TRAPPC10: variants seen among roughly 807,000 people sequenced by gnomAD.
The protein encoded by TRAPPC10 is TRAPP 130 kDa subunit.
In TRAPPC10, 23 loss-of-function variants were observed where a neutral mutation model predicts 125.5. The observed-to-expected ratio is 0.18, with a 90% CI of 0.13 to 0.26. The LOEUF is 0.26. TRAPPC10 is among the 10% of genes least tolerant of loss of function. The pLI is 1.00. For synonymous variants in TRAPPC10, 509 were observed against 518.0 expected, an observed-to-expected ratio of 0.98 and a Z score of 0.24; for missense variants, 1,123 against 1,308.4, an observed-to-expected ratio of 0.86 and a Z score of 2.19.
intron 12 of TRAPPC10, 92 bp from the exon 13 acceptor site, chr21:44,079,923 A>C: frequency 1.6e-6 from 2 of 1,230,788 alleles, no homozygotes; most frequent in Non-Finnish European, 2.3e-6. Flanking sequence ...TGGCTTTTGA[A>C]GCCTCTGTGA....
chr21:44,084,582 A>G lies in TRAPPC10; in HGVS notation c.2380+319A>G, dbSNP rs183657145. On this transcript the variant is annotated intron_variant, in intron 15 of 22. Transcript: ENST00000291574. ...ATTGGCTCACTCAACCTAATGGTCAATGCAGAGGACTTCTGGGCCCAAATG... is the reference window on the plus strand; with the variant it reads ...ATTGGCTCACTCAACCTAATGGTCAGTGCAGAGGACTTCTGGGCCCAAATG... Among the ~76,000 whole-genome samples, 5 of 152,338 alleles carry G rather than the reference A, an allele frequency of 3.3e-5. No individual in the cohort carries two copies. The East Asian group carries it at 9.6e-4, about 29-fold the overall frequency.
chr21:44,020,059 AT>A (rs528259982), intron 1 of TRAPPC10, among the ~76,000 whole-genome samples: 7,831 of 141,650 alleles, frequency 0.055, 315 homozygotes, highest in African/African-American at 0.12. Flanking sequence ...CCTGTTTGCA[AT>A]TTTTTTTTTT....
At chr21:44,035,303 C>G (rs985980779) in intron 2 of TRAPPC10, among the ~76,000 whole-genome samples, 1 of 152,156 alleles carries the variant, frequency 6.6e-6, no homozygotes, top group Non-Finnish European at 1.5e-5. Context: ...GATGCTGGCA[C>G]CTTGATCTTG....
chr21:44,089,634 C>T, intron 17 of TRAPPC10, 199 bp from the exon 18 acceptor site: 1 of 605,766 alleles, frequency 1.7e-6, no homozygotes, highest in South Asian at 1.5e-5. Flanking sequence ...TTTCTCTTGT[C>T]TGTATGCATA....
chr21:44,039,726 G>A (rs112991704), intron 3 of TRAPPC10, among the ~76,000 whole-genome samples: 4 of 152,306 alleles, frequency 2.6e-5, no homozygotes, highest in South Asian at 2.1e-4. Flanking sequence ...TTAGCTGGGC[G>A]TGGTGGCACA....
At position 44,079,698 on chromosome 21, in the gene TRAPPC10, T is replaced by A. The variant is rs2037541790; in HGVS notation, c.1604T>A (p.Ile535Asn). 6.2e-7 allele frequency: 1 copy of A among 1,603,514 alleles called. No individual in the cohort carries two copies. The highest frequency in any genetic ancestry group is 8.5e-7 in the Non-Finnish European group (1 of 1,177,516). Residue 535 changes from isoleucine to asparagine, a missense_variant, in exon 12 of 23, where the codon ATT becomes AAT. By Grantham distance (149) the Ile-to-Asn change is moderately radical (BLOSUM62 -3). Coordinates refer to ENST00000291574, the MANE Select transcript of TRAPPC10 (RefSeq NM_003274.5). The stretch of plus-strand genomic sequence containing the variant: ...GAATGTCAAAAGCACCTTGGACAAA[T>A]TGAAAAGTATCCTTTAATGTTTTCA... ...LAECQKHLGQ[I>N]ENYLQTSSLL...
intron 7 of TRAPPC10, among the ~76,000 whole-genome samples, chr21:44,072,916 G>C (rs2036988238): frequency 6.6e-6 from 1 of 152,206 alleles, no homozygotes; most frequent in Non-Finnish European, 1.5e-5. Context: ...GGGCCTGCAA[G>C]GTGCGGTCAG....
chr21:44,081,005 C>CTTTTATTTTT (rs2037672973), intron 13 of TRAPPC10, among the ~76,000 whole-genome samples: 1 of 103,870 alleles, frequency 9.6e-6, no homozygotes, highest in Non-Finnish European at 2.2e-5. Context: ...TATTATTGTT[C>CTTTTATTTTT]TTTTTTTTTT....
At chr21:44,013,530 C>CCA (rs2031429086) in intron 1 of TRAPPC10, among the ~76,000 whole-genome samples, 1 of 152,194 alleles carries the variant, frequency 6.6e-6, no homozygotes, top group African/African-American at 2.4e-5. Flanking sequence ...GGTGCCCAGG[C>CCA]CACAGTAGAC....
intron 19 of TRAPPC10, 141 bp downstream of exon 19, chr21:44,092,190 G>GGAGGA: frequency 9.3e-7 from 1 of 1,074,504 alleles, no homozygotes; most frequent in Non-Finnish European, 1.3e-6. Flanking sequence ...CAGCTCCTCC[G>GGAGGA]GCTGCCCTGA....
At chr21:44,093,953 CCATGGTGTCTGCTCAGCACCCTTCG>C (rs1283040226) in intron 19 of TRAPPC10, 85 bp from the exon 20 acceptor site, 8 of 1,169,340 alleles carry the variant, frequency 6.8e-6, no homozygotes, top group Non-Finnish European at 8.4e-6. Context: ...CGGGGCCTGC[CCATGGTGTCTGCTCAGCACCCTTCG>C]CATGGCGTGT....
intron 15 of TRAPPC10, among the ~76,000 whole-genome samples, chr21:44,084,503 C>T (rs960583691): frequency 6.6e-6 from 1 of 152,124 alleles, no homozygotes; most frequent in Non-Finnish European, 1.5e-5. Flanking sequence ...AAATAAGAAA[C>T]ACAGAAGAAT....
chr21:44,020,647 C>CA (rs547867023), intron 1 of TRAPPC10, among the ~76,000 whole-genome samples: 47 of 149,732 alleles, frequency 3.1e-4, no homozygotes, highest in South Asian at 1.7e-3. Context: ...AAACAAAAAA[C>CA]AAAAAAAAAC....
chr21:44,087,575 C>A lies in TRAPPC10; in HGVS notation c.2540-124C>A. 1 of 841,090 alleles carries A rather than the reference C, an allele frequency of 1.2e-6. No homozygotes were observed. 52.1% of individuals were successfully genotyped at this position (841,090 alleles called of 1,614,324 possible). Reference sequence around the variant, plus strand: ...GGGGCCTTGTTCTTGGGTTTGCCTGCCAGGTGCGCAGGAGCGGGAGAGGTT... The same window carrying A: ...GGGGCCTTGTTCTTGGGTTTGCCTGACAGGTGCGCAGGAGCGGGAGAGGTT... On this transcript the variant is annotated intron_variant, in intron 16 of 22. Transcript: ENST00000291574. This position sits in a 1 kb window ranked among gnomAD's most constrained non-coding sequence, Gnocchi z 4.6.
chr21:44,028,975 T>G (rs1204406343), intron 1 of TRAPPC10, among the ~76,000 whole-genome samples: 2 of 152,266 alleles, frequency 1.3e-5, no homozygotes, highest in Non-Finnish European at 2.9e-5. Context: ...TTCTGCTTAA[T>G]GGTTGGGTTA....
chr21:44,079,910 C>T, intron 12 of TRAPPC10, 105 bp from the exon 13 acceptor site: 9 of 1,154,734 alleles, frequency 7.8e-6, no homozygotes, highest in Middle Eastern at 2.0e-4. Context: ...AAAAAAAGCC[C>T]TTTGGCTTTT....
intron 15 of TRAPPC10, among the ~76,000 whole-genome samples, chr21:44,085,369 T>C (rs930079117): frequency 2.0e-5 from 3 of 152,096 alleles, no homozygotes; most frequent in African/African-American, 7.2e-5. Flanking sequence ...TTCATAAATA[T>C]GTATATAATT....
At chr21:44,022,265 T>C (rs2032597377) in intron 1 of TRAPPC10, among the ~76,000 whole-genome samples, 1 of 140,758 alleles carries the variant, frequency 7.1e-6, no homozygotes, top group Non-Finnish European at 1.5e-5. Context: ...CATGGCACCA[T>C]GCCTGGCTAA....
At chr21:44,041,712 A>G (rs1355562054) in intron 3 of TRAPPC10, among the ~76,000 whole-genome samples, 4 of 151,700 alleles carry the variant, frequency 2.6e-5, no homozygotes, top group African/African-American at 2.4e-5. Context: ...TTATTTTCCC[A>G]TCATTATTTA....
Sources: allele counts gnomAD v4.1 joint callset (sites outside exome capture counted in the v4.1 genomes callset), GRCh38; gene constraint gnomAD v4.1.1; non-coding constraint Gnocchi (gnomAD v3.1); transcripts MANE v1.5; gene names NCBI Gene and HGNC (gene_info 2026-07-23, HGNC 2026-07-21).